EXOC2: variants seen among roughly 807,000 people sequenced by gnomAD.
EXOC2 encodes the protein exocyst complex component 2.
Under a neutral mutation model 131.8 loss-of-function variants are expected in EXOC2, and 70 were observed. The ratio of observed to expected loss-of-function variants is 0.53; its 90% CI spans 0.44 to 0.65. The LOEUF (loss-of-function observed/expected upper bound fraction) is 0.65. EXOC2 is among the 30% of genes least tolerant of loss of function. The pLI, the probability that EXOC2 is intolerant of heterozygous loss-of-function variation, is 0.00. For synonymous variants in EXOC2, 411 were observed against 398.4 expected (o/e 1.03, Z -0.38); for missense variants, 923 against 1,108.6 (o/e 0.83, Z 2.38).
chr6:686,387 T>G (rs775541370), intron 1 of EXOC2, among the ~76,000 whole-genome samples: 1 of 152,206 alleles, frequency 6.6e-6, no homozygotes. Context: ...GGGAAAATAA[T>G]CCAATAATTT....
chr6:489,978 C>T (rs139367150), intron 26 of EXOC2, among the ~76,000 whole-genome samples: 1 of 152,202 alleles, frequency 6.6e-6, no homozygotes, highest in African/African-American at 2.4e-5. Context: ...GGTGGCTTGG[C>T]GCACTCGGGT....
intron 5 of EXOC2, 145 bp downstream of exon 5, chr6:619,285 C>T (rs772310221): frequency 1.3e-5 from 7 of 553,758 alleles, no homozygotes; most frequent in Non-Finnish European, 2.3e-5. Context: ...GAGATGTTCA[C>T]GGGTAAACGC....
intron 5 of EXOC2, 113 bp downstream of exon 5, chr6:619,317 C>A: frequency 2.5e-6 from 2 of 784,824 alleles, no homozygotes; most frequent in Admixed American, 2.4e-5. Flanking sequence ...GCTCGCAGAC[C>A]TAAAACCATG....
At chr6:641,595 CA>C (rs1438120125) in intron 1 of EXOC2, among the ~76,000 whole-genome samples, 2 of 151,982 alleles carry the variant, frequency 1.3e-5, no homozygotes, top group Non-Finnish European at 2.9e-5. Flanking sequence ...AATGGCAAAA[CA>C]ACAAAAAAGG....
At chr6:570,301 T>C (rs1163342495) in intron 13 of EXOC2, among the ~76,000 whole-genome samples, 2 of 152,054 alleles carry the variant, frequency 1.3e-5, no homozygotes, top group Middle Eastern at 3.2e-3. Flanking sequence ...GCCTGGCTAA[T>C]TTTTTGTATT....
chr6:517,831 G>A (rs1354865357), intron 23 of EXOC2, among the ~76,000 whole-genome samples: 1 of 152,092 alleles, frequency 6.6e-6, no homozygotes, highest in Non-Finnish European at 1.5e-5. Flanking sequence ...AAGGGACAAA[G>A]GAACAGGTTA....
At chr6:617,949 G>T in intron 5 of EXOC2, 114 bp from the exon 6 acceptor site, 1 of 1,200,580 alleles carries the variant, frequency 8.3e-7, no homozygotes, top group Non-Finnish European at 1.1e-6. Flanking sequence ...GTAGCACACA[G>T]ATTAATATCA....
At chr6:637,956 A>G in intron 1 of EXOC2, 95 bp from the exon 2 acceptor site, 1 of 796,152 alleles carries the variant, frequency 1.3e-6, no homozygotes, top group East Asian at 2.7e-5. Flanking sequence ...AAAATATAAA[A>G]AGTATTCTTA....
chr6:598,748 A>T, intron 9 of EXOC2, 112 bp downstream of exon 9: 2 of 745,592 alleles, frequency 2.7e-6, no homozygotes, highest in Non-Finnish European at 4.4e-6. Flanking sequence ...TTGTAAAGAG[A>T]GCCTCATATA....
At chr6:659,019 C>T (rs1310466112) in intron 1 of EXOC2, among the ~76,000 whole-genome samples, 1 of 152,094 alleles carries the variant, frequency 6.6e-6, no homozygotes, top group African/African-American at 2.4e-5. Flanking sequence ...TTTTTTATGA[C>T]TGTCAATGAA....
chr6:571,802 G>T (rs981368562), intron 13 of EXOC2, among the ~76,000 whole-genome samples: 52 of 152,180 alleles, frequency 3.4e-4, no homozygotes, highest in African/African-American at 1.2e-3. Flanking sequence ...CTCCCACGGG[G>T]GTGCCCTTGG....
chr6:486,524 T>TA lies in EXOC2; in HGVS notation c.*146dup. 1.5e-6 allele frequency: 1 copy of TA among 662,442 alleles called. No homozygotes were observed. Among genetic ancestry groups the TA allele is most frequent in the South Asian group, 2.0e-5 (1 of 49,628 alleles). The allele number at this position is 662,442 out of a possible 1,614,324, so 41.0% of individuals were successfully genotyped here. ...AAATGAGGTCATTTTGGTTGAAATGTATACCAACAATTTTCGAAGTCAGAG... is the reference window on the plus strand; with the variant it reads ...AAATGAGGTCATTTTGGTTGAAATGTAATACCAACAATTTTCGAAGTCAGAG... On this transcript the variant is annotated 3_prime_UTR_variant, in exon 28 of 28. Transcript: ENST00000230449.
At chr6:619,612 AGTATCCAGT>A in intron 4 of EXOC2, 69 bp from the exon 5 acceptor site, 1 of 963,600 alleles carries the variant, frequency 1.0e-6, no homozygotes, top group Non-Finnish European at 1.6e-6. Context: ...GGTATCACTA[AGTATCCAGT>A]ATAACACATA....
intron 1 of EXOC2, among the ~76,000 whole-genome samples, chr6:665,631 G>A (rs916324279): frequency 1.3e-5 from 2 of 152,184 alleles, no homozygotes; most frequent in African/African-American, 4.8e-5. Context: ...CATTTGCAGT[G>A]ACGTGGATGA....
chr6:625,799 C>T (rs1238174343), intron 4 of EXOC2, among the ~76,000 whole-genome samples: 1 of 152,122 alleles, frequency 6.6e-6, no homozygotes, highest in African/African-American at 2.4e-5. Flanking sequence ...AGAAATAAAA[C>T]AGACACTAGT....
intron 1 of EXOC2, among the ~76,000 whole-genome samples, chr6:684,307 GAA>G (rs1201083706): frequency 9.9e-5 from 15 of 152,152 alleles, no homozygotes; most frequent in Non-Finnish European, 1.8e-4. Context: ...ACCTCCCTGA[GAA>G]AACAAGCTGG....
At chr6:632,519 C>T (rs1036198886) in intron 3 of EXOC2, among the ~76,000 whole-genome samples, 5 of 151,946 alleles carry the variant, frequency 3.3e-5, no homozygotes, top group South Asian at 2.1e-4. Context: ...ATCATCTGGG[C>T]CTTGAAGGAT....
At chr6:563,968 T>C (rs1009603687) in intron 16 of EXOC2, 65 bp downstream of exon 16, 2 of 1,577,968 alleles carry the variant, frequency 1.3e-6, no homozygotes, top group African/African-American at 2.7e-5. Flanking sequence ...ATTTGGACAC[T>C]GAAAGGAGGT....
intron 26 of EXOC2, among the ~76,000 whole-genome samples, chr6:490,120 CAAT>C (rs1178889413): frequency 6.6e-6 from 1 of 152,106 alleles, no homozygotes; most frequent in Non-Finnish European, 1.5e-5. Flanking sequence ...GACAGTATGA[CAAT>C]AATGATAAAC....
Sources: gnomAD v4.1 joint callset for allele counts (sites outside exome capture counted in the v4.1 genomes callset) on GRCh38, gnomAD v4.1.1 for gene constraint, MANE v1.5 for transcripts, NCBI Gene and HGNC (gene_info 2026-07-23, HGNC 2026-07-21) for gene names.